WDFY4: variants seen among roughly 807,000 people sequenced by gnomAD.
The protein encoded by WDFY4 is WD repeat- and FYVE domain-containing protein 4.
A neutral mutation model predicts 351.9 loss-of-function variants in WDFY4; 169 were observed. The observed-to-expected ratio is 0.48, with a 90% CI of 0.42 to 0.55. WDFY4 has a LOEUF of 0.55. Ranked by LOEUF, WDFY4 falls within the 20% of genes least tolerant of loss-of-function variation. The pLI is 0.00. For missense variants in WDFY4, 3,803 were observed against 3,935.6 expected (o/e 0.97, Z 0.90); for synonymous variants, 1,622 against 1,574.6 (o/e 1.03, Z -0.71).
rs535456593 is a variant in WDFY4 at position 48,783,264 on chromosome 10, T to A, written c.3576+3145T>A. On this transcript the variant is annotated intron_variant, in intron 19 of 61. Transcript: ENST00000325239. ...ATGCATACCCTCCTGCATGCTTAACTAAGCTCTAGATGATTTATAATACCT... is the reference window on the plus strand; with the variant it reads ...ATGCATACCCTCCTGCATGCTTAACAAAGCTCTAGATGATTTATAATACCT... Among the ~76,000 whole-genome samples, 7 of 152,308 alleles carry A rather than the reference T, an allele frequency of 4.6e-5. No individual in the cohort carries two copies. In the South Asian group the frequency reaches 1.5e-3, roughly 32 times the overall value.
chr10:48,919,873 A>G (rs1240592577), intron 47 of WDFY4, among the ~76,000 whole-genome samples: 1 of 152,224 alleles, frequency 6.6e-6, no homozygotes, highest in Non-Finnish European at 1.5e-5. Flanking sequence ...CTTTCAAAAA[A>G]AAATAGAATA....
chr10:48,867,043 G>C (rs771805245), intron 39 of WDFY4, among the ~76,000 whole-genome samples: 2 of 151,970 alleles, frequency 1.3e-5, no homozygotes, highest in Non-Finnish European at 2.9e-5. Context: ...GGTGGTGGGC[G>C]CCTGAAATCC....
intron 12 of WDFY4, among the ~76,000 whole-genome samples, chr10:48,754,626 T>C (rs1016878874): frequency 6.6e-6 from 1 of 151,876 alleles, no homozygotes; most frequent in Non-Finnish European, 1.5e-5. Flanking sequence ...AATTTTAATT[T>C]ACTTATTTAT....
At position 48,820,336 on chromosome 10, in the gene WDFY4, G is replaced by A. The variant is rs904057590; in HGVS notation, c.5608G>A (p.Ala1870Thr). 34 of 1,551,488 alleles carry A rather than the reference G, an allele frequency of 2.2e-5. No individual in the cohort carries two copies. Among genetic ancestry groups the A allele is most frequent in the Middle Eastern group, 1.7e-4 (1 of 6,014 alleles). The change falls in exon 33 of 62, where the codon GCC becomes ACC. Residue 1870 changes from alanine to threonine, a missense_variant. Physicochemically the swap from Ala to Thr is moderately conservative, Grantham distance 58. Coordinates refer to ENST00000325239, the MANE Select transcript of WDFY4 (RefSeq NM_001394531.1). ...GLQAPTKAHPARRKLREFTQL... is the reference protein window; with the variant it reads ...GLQAPTKAHPTRRKLREFTQL... The stretch of plus-strand genomic sequence containing the variant: ...CCAGGCTCCCACCAAGGCACATCCC[G>A]CCCGGAGGAAGCTGAGGGAGTTCAC...
In WDFY4 at chr10:48,914,305, T is replaced by G. The variant is rs564079465; in HGVS notation, c.7586+12442T>G. ...TGGGCTCCCCCACGTCATGACGCTT[T>G]GCTCTTCAGTGGTTTAAAAAGCAAG... On this transcript the variant is annotated intron_variant, in intron 47 of 61. Coordinates refer to ENST00000325239, the MANE Select transcript of WDFY4 (RefSeq NM_001394531.1). 1.8e-4 allele frequency: 145 copies of G among 810,386 alleles called. 1 individual carries two copies. The Middle Eastern group carries it at 2.6e-3, about 15-fold the overall frequency. The allele number at this position is 810,386 out of a possible 1,614,324, so 50.2% of individuals were successfully genotyped here.
intron 19 of WDFY4, among the ~76,000 whole-genome samples, chr10:48,783,329 AT>A (rs541877168): frequency 2.7e-4 from 41 of 152,058 alleles, no homozygotes; most frequent in South Asian, 4.1e-4. Flanking sequence ...GTCATACTGT[AT>A]TTTTTTATTT....
At chr10:48,953,151 C>G (rs557997481) in intron 51 of WDFY4, among the ~76,000 whole-genome samples, 1 of 152,196 alleles carries the variant, frequency 6.6e-6, no homozygotes, top group East Asian at 1.9e-4. Flanking sequence ...TCCTTTGGAG[C>G]TCCTGGTTGC....
At chr10:48,938,100 G>A (rs561055777) in intron 47 of WDFY4, among the ~76,000 whole-genome samples, 1 of 152,348 alleles carries the variant, frequency 6.6e-6, no homozygotes, top group Admixed American at 6.5e-5. Context: ...TCTCATTGTG[G>A]CTTGCGTATG....
intron 43 of WDFY4, among the ~76,000 whole-genome samples, chr10:48,879,360 G>A (rs2070155709): frequency 6.6e-6 from 1 of 152,230 alleles, no homozygotes; most frequent in Non-Finnish European, 1.5e-5. Context: ...TGGCAAGTCT[G>A]AGAACTGTGT....
chr10:48,698,793 A>G (rs2063400164), intron 1 of WDFY4, among the ~76,000 whole-genome samples: 2 of 152,156 alleles, frequency 1.3e-5, no homozygotes, highest in South Asian at 4.1e-4. Context: ...GTATCCGCCG[A>G]GGCTCTCCAG....
At chr10:48,970,577 C>T (rs1487777166) in intron 57 of WDFY4, among the ~76,000 whole-genome samples, 2 of 152,184 alleles carry the variant, frequency 1.3e-5, no homozygotes, top group African/African-American at 2.4e-5. Flanking sequence ...CGAGAGATGC[C>T]GGGCCACACA....
At chr10:48,943,248 G>A in intron 48 of WDFY4, 82 bp from the exon 49 acceptor site, 1 of 1,493,120 alleles carries the variant, frequency 6.7e-7, no homozygotes. Flanking sequence ...AGGGCCTGCT[G>A]CCGAGGCCTG....
chr10:48,962,421 T>A (rs950035836), intron 53 of WDFY4, among the ~76,000 whole-genome samples: 26 of 152,148 alleles, frequency 1.7e-4, no homozygotes, highest in African/African-American at 5.8e-4. Context: ...CAATCCCAAA[T>A]GAACATTTTG....
chr10:48,941,814 C>G lies in WDFY4; in HGVS notation c.7595C>G (p.Pro2532Arg). The G allele has an allele frequency of 6.4e-7, 1 of 1,552,150 alleles. No individual in the cohort carries two copies. Among genetic ancestry groups the G allele is most frequent in the African/African-American group, 1.4e-5 (1 of 73,132 alleles). Residue 2532 changes from proline to arginine, a missense_variant, in exon 48 of 62, where the codon CCC becomes CGC. By Grantham distance (103) the Pro-to-Arg change is moderately radical. Coordinates refer to ENST00000325239, the MANE Select transcript of WDFY4 (RefSeq NM_001394531.1). ...SEDTLSLRRY[P>R]GSDRIMLQKW... ...GGTTTTCTGTCCCACAGGAGATACC[C>G]CGGCTCTGACAGGATCATGCTGCAG...
chr10:48,731,151 A>C lies in WDFY4; in HGVS notation c.1171A>C (p.Asn391His). Reference sequence around the variant, plus strand: ...TCTTCAGGCCTTCCAGGTCCTACAGAATGTTTTCCACAAAGCCAGTGACTC... The same window carrying C: ...TCTTCAGGCCTTCCAGGTCCTACAGCATGTTTTCCACAAAGCCAGTGACTC... Reference protein sequence around the residue: ...KNLQAFQVLQNVFHKASDSVL... With the variant: ...KNLQAFQVLQHVFHKASDSVL... The change falls in exon 9 of 62, where the codon AAT becomes CAT. Residue 391 changes from asparagine (N) to histidine (H), a missense_variant. This residue lies in a region of WDFY4 where 261 missense variants were observed against 330.2 expected (regional missense o/e 0.79). Transcript: ENST00000325239. 1 of 1,550,750 alleles carries C rather than the reference A, an allele frequency of 6.4e-7. No homozygotes were observed. Among genetic ancestry groups the C allele is most frequent in the Non-Finnish European group, 8.7e-7 (1 of 1,146,230 alleles).
intron 39 of WDFY4, among the ~76,000 whole-genome samples, chr10:48,855,773 G>A (rs1344889311): frequency 6.6e-6 from 1 of 151,966 alleles, no homozygotes; most frequent in African/African-American, 2.4e-5. Flanking sequence ...GTTATCCATG[G>A]TTAACCATGG....
In WDFY4 at chr10:48,901,843, G is replaced by A. The variant is rs373671707; in HGVS notation, c.7566G>A (p.Ser2522=). ...FQPSLKGKAT[S]EDTLSLRRYP... ...CCAGCCTGAAGGGGAAAGCCACCTCGGAGGACACCCTCAGTCTAAGGTAAT... is the reference window on the plus strand; with the variant it reads ...CCAGCCTGAAGGGGAAAGCCACCTCAGAGGACACCCTCAGTCTAAGGTAAT... Residue 2522 remains serine, a synonymous_variant, in exon 47 of 62, where the codon TCG becomes TCA. Coordinates refer to ENST00000325239, the MANE Select transcript of WDFY4 (RefSeq NM_001394531.1). The A allele has an allele frequency of 8.2e-5, 127 of 1,551,562 alleles. No homozygotes were observed. In the African/African-American group the frequency reaches 1.3e-3, roughly 16 times the overall value.
intron 51 of WDFY4, among the ~76,000 whole-genome samples, chr10:48,949,716 G>A (rs1463698424): frequency 6.6e-6 from 1 of 152,210 alleles, no homozygotes; most frequent in East Asian, 1.9e-4. Context: ...GCATGGGAGA[G>A]CACACGTCTC....
In WDFY4 at chr10:48,817,458, C is replaced by T; in HGVS notation, c.5505+49C>T. On this transcript the variant is annotated intron_variant, in intron 32 of 61. Transcript: ENST00000325239. Reference sequence around the variant, plus strand: ...CAGAGAGAGCAGTTGTGAGCATCATCATCCTTCAAGGGCAAAGGGCAAAAT... The same window carrying T: ...CAGAGAGAGCAGTTGTGAGCATCATTATCCTTCAAGGGCAAAGGGCAAAAT... 4 of 1,503,176 alleles carry T rather than the reference C, an allele frequency of 2.7e-6. No individual in the cohort carries two copies. In the East Asian group the frequency reaches 7.5e-5, roughly 28 times the overall value. The allele number at this position is 1,503,176 out of a possible 1,614,324, so 93.1% of individuals were successfully genotyped here. A position where few individuals can be genotyped will look rare whatever the true frequency, so the allele number is the denominator to read the frequency against.
Sources: allele counts gnomAD v4.1 joint callset (sites outside exome capture counted in the v4.1 genomes callset), GRCh38; gene constraint gnomAD v4.1.1; regional missense constraint gnomAD v4.1.1; transcripts MANE v1.5; gene names NCBI Gene and HGNC (gene_info 2026-07-23, HGNC 2026-07-21).